The following LAMB4 variants were observed in gnomAD, a reference collection of about 807,000 sequenced individuals.
The protein encoded by LAMB4 is laminin subunit beta-4.
LAMB4 carries 196 observed loss-of-function variants against 199.2 expected under a neutral mutation model. That is an observed-to-expected ratio of 0.98 (90% CI 0.88 to 1.11). The LOEUF is 1.11. Ranked by LOEUF, LAMB4 falls within the 50% of genes least tolerant of loss-of-function variation. The pLI is 0.00. For missense variants in LAMB4, 2,080 were observed against 2,171.2 expected (o/e 0.96, Z 0.83); for synonymous variants, 744 against 770.6 (o/e 0.97, Z 0.57).
intron 17 of LAMB4, among the ~76,000 whole-genome samples, chr7:108,071,226 A>T (rs1048133593): frequency 3.9e-5 from 6 of 152,012 alleles, no homozygotes; most frequent in African/African-American, 1.2e-4. Context: ...CAAATTTCTT[A>T]AAAAAATCAT....
At position 108,037,559 on chromosome 7, in the gene LAMB4, G is replaced by T. The variant is rs200882131; in HGVS notation, c.4508C>A (p.Ala1503Glu). Residue 1503 changes from alanine to glutamate, a missense_variant, in exon 30 of 34, where the codon GCG becomes GAG. Coordinates refer to ENST00000388781, the MANE Select transcript of LAMB4 (RefSeq NM_007356.3). ...NVPPEDIEKV[A>E]NGVLDIHLPI... ...TAGGTGAATGTCAAGCACACCATTCGCAACCTTCTCGATGTCTTCTGGAGG... is the reference window on the plus strand; with the variant it reads ...TAGGTGAATGTCAAGCACACCATTCTCAACCTTCTCGATGTCTTCTGGAGG... 4.3e-5 allele frequency: 69 copies of T among 1,614,068 alleles called. 2 individuals are homozygous for T. In the South Asian group the frequency reaches 6.4e-4, roughly 15 times the overall value.
At chr7:108,118,680 G>A (rs1405956746) in intron 2 of LAMB4, among the ~76,000 whole-genome samples, 1 of 151,898 alleles carries the variant, frequency 6.6e-6, no homozygotes, top group Non-Finnish European at 1.5e-5. Flanking sequence ...AAACTATAGA[G>A]CTATGAAACT....
intron 19 of LAMB4, 149 bp downstream of exon 19, chr7:108,067,867 T>A: frequency 1.0e-6 from 1 of 973,518 alleles, no homozygotes; most frequent in Non-Finnish European, 1.6e-6. Context: ...CAAAAAAATG[T>A]TCAGTATATT....
chr7:108,026,739 C>T lies in LAMB4; in HGVS notation c.5146+2304G>A, dbSNP rs564662254. The T allele has an allele frequency of 3.8e-5, 12 of 313,998 alleles. No individual in the cohort carries two copies. The East Asian group carries it at 1.0e-3, about 27-fold the overall frequency. 19.5% of individuals were successfully genotyped at this position (313,998 alleles called of 1,614,324 possible). ...CCCTGGCTGAAGACTAGAGTCCATT[C>T]CCCACTCTCTCAACATTGTTGCTGC... On this transcript the variant is annotated intron_variant, in intron 33 of 33. Transcript: ENST00000388781.
intron 11 of LAMB4, among the ~76,000 whole-genome samples, chr7:108,097,426 T>C (rs1200753348): frequency 3.9e-5 from 6 of 152,226 alleles, no homozygotes; most frequent in African/African-American, 1.4e-4. Context: ...TTATTTTTTC[T>C]TTTATCAGAG....
At chr7:108,042,691 A>G (rs1183210332) in intron 29 of LAMB4, among the ~76,000 whole-genome samples, 3 of 152,148 alleles carry the variant, frequency 2.0e-5, no homozygotes, top group Non-Finnish European at 4.4e-5. Flanking sequence ...ACAGCTAGAA[A>G]CTGCCAATTC....
intron 28 of LAMB4, among the ~76,000 whole-genome samples, chr7:108,046,440 T>C (rs1200442727): frequency 1.3e-5 from 2 of 151,930 alleles, no homozygotes; most frequent in African/African-American, 4.8e-5. Flanking sequence ...TGATACAATA[T>C]TCAACATATA....
In LAMB4 at chr7:108,057,830, ACGAATGC is replaced by A. The variant is rs2036032276; in HGVS notation, c.3374_3379+1del. 2 of 1,598,002 alleles carry A rather than the reference ACGAATGC, an allele frequency of 1.3e-6. No individual in the cohort carries two copies. Among genetic ancestry groups the A allele is most frequent in the East Asian group, 4.5e-5 (2 of 44,804 alleles). On this transcript the variant is annotated splice_donor_variant and coding_sequence_variant, in exon 24 of 34. Coordinates refer to ENST00000388781, the MANE Select transcript of LAMB4 (RefSeq NM_007356.3). LOFTEE classifies it high-confidence loss of function. The stretch of plus-strand genomic sequence containing the variant: ...TGAGTTTTTAGAAATCCCAATACTT[ACGAATGC>A]ATCGCCCAGGTGGATCACCATAATA...
intron 25 of LAMB4, 37 bp from the exon 26 acceptor site, chr7:108,052,294 T>C: frequency 6.8e-7 from 1 of 1,475,502 alleles, no homozygotes; most frequent in Non-Finnish European, 9.1e-7. Context: ...GTTAAGCTTG[T>C]ATTACATTTG....
intron 14 of LAMB4, among the ~76,000 whole-genome samples, chr7:108,090,647 C>T (rs1379649333): frequency 6.6e-6 from 1 of 152,066 alleles, no homozygotes; most frequent in African/African-American, 2.4e-5. Context: ...GTGCTACAAC[C>T]ATCTATTTTA....
At chr7:108,079,935 A>G (rs942326695) in intron 14 of LAMB4, 149 bp from the exon 15 acceptor site, 1 of 584,766 alleles carries the variant, frequency 1.7e-6, no homozygotes, top group Non-Finnish European at 2.9e-6. Context: ...TAAGCAGGAT[A>G]CAGTCCAGAA....
At chr7:108,058,043 C>A (rs950054181) in intron 23 of LAMB4, 115 bp from the exon 24 acceptor site, 4 of 705,428 alleles carry the variant, frequency 5.7e-6, no homozygotes, top group Non-Finnish European at 1.0e-5. Context: ...TGTGCAAAGG[C>A]GGAGGAAGGA....
Position 108,098,401 on chromosome 7 carries a change from AC to A in LAMB4, c.1360+1del, listed in dbSNP as rs1317987829. On this transcript the variant is annotated splice_donor_variant, in intron 11 of 33. Transcript: ENST00000388781. LOFTEE classifies it high-confidence loss of function. ...TCCCCCGACCCCCGATTATGGACTT[AC>A]GCTGGCAGCCCAGGGGGTCGGTGGC... 8.8e-6 allele frequency: 14 copies of A among 1,586,830 alleles called. No individual in the cohort carries two copies. Among genetic ancestry groups the A allele is most frequent in the Non-Finnish European group, 1.2e-5 (14 of 1,167,480 alleles).
intron 31 of LAMB4, among the ~76,000 whole-genome samples, chr7:108,032,670 T>C (rs2035079662): frequency 6.6e-6 from 1 of 151,336 alleles, no homozygotes; most frequent in Non-Finnish European, 1.5e-5. Context: ...CAGGGGCAAG[T>C]TTTTCTACTG....
At chr7:108,122,148 C>T (rs775189348) in intron 2 of LAMB4, among the ~76,000 whole-genome samples, 6 of 152,172 alleles carry the variant, frequency 3.9e-5, no homozygotes, top group Admixed American at 2.6e-4. Flanking sequence ...AACTGTGGAT[C>T]GGTTTAGAAC....
chr7:108,127,606 G>A (rs1257407256), intron 1 of LAMB4, among the ~76,000 whole-genome samples: 3 of 152,140 alleles, frequency 2.0e-5, no homozygotes, highest in Non-Finnish European at 4.4e-5. Flanking sequence ...TACCAGATGA[G>A]CAGCATCAAC....
chr7:108,120,382 C>T (rs534636849), intron 2 of LAMB4, among the ~76,000 whole-genome samples: 1 of 152,130 alleles, frequency 6.6e-6, no homozygotes, highest in Non-Finnish European at 1.5e-5. Flanking sequence ...ATCATAAGTT[C>T]TACAGCTAAG....
At position 108,069,698 on chromosome 7, in the gene LAMB4, A is replaced by G. The variant is rs2036464947; in HGVS notation, c.2302+10T>C. The G allele has an allele frequency of 6.2e-7, 1 of 1,611,332 alleles. No homozygotes were observed. The highest frequency in any genetic ancestry group is 8.5e-7 in the Non-Finnish European group (1 of 1,178,266). On this transcript the variant is annotated intron_variant, in intron 18 of 33. Coordinates refer to ENST00000388781, the MANE Select transcript of LAMB4 (RefSeq NM_007356.3). ...AGTGCCTCAGTAGAGCCCATTAAAC[A>G]GATACTTACCCACAGCCCCATCATG...
chr7:108,039,470 CT>C (rs61668715), intron 29 of LAMB4, among the ~76,000 whole-genome samples: 26,018 of 134,126 alleles, frequency 0.19, 5,041 homozygotes, highest in African/African-American at 0.53. Flanking sequence ...TACTTTCTTT[CT>C]TTTTTTTTTT....
Sources: allele counts gnomAD v4.1 joint callset (sites outside exome capture counted in the v4.1 genomes callset), GRCh38; gene constraint gnomAD v4.1.1; transcripts MANE v1.5; gene names NCBI Gene and HGNC (gene_info 2026-07-23, HGNC 2026-07-21).